Variants in CTNNA2 observed in about 807,000 individuals in gnomAD.
The protein encoded by CTNNA2 is catenin alpha 2.
A neutral mutation model predicts 101.0 loss-of-function variants in CTNNA2; 42 were observed. The observed-to-expected ratio is 0.42, with a 90% confidence interval of 0.32 to 0.54. The LOEUF is 0.54. CTNNA2 is among the 20% of genes least tolerant of loss of function. The pLI is 0.14. For synonymous variants in CTNNA2, 450 were observed against 456.4 expected (o/e 0.99, Z 0.18); for missense variants, 871 against 1,223.1 (o/e 0.71, Z 4.29).
At chr2:79,890,525 CATCT>C (rs1006523880) in intron 6 of CTNNA2, among the ~76,000 whole-genome samples, 1 of 151,952 alleles carries the variant, frequency 6.6e-6, no homozygotes, top group African/African-American at 2.4e-5. Flanking sequence ...TTTCTCCATC[CATCT>C]GTTTGAAAAT....
chr2:79,390,229 C>T (rs1188725385), intron 4 of CTNNA2, among the ~76,000 whole-genome samples: 1 of 152,142 alleles, frequency 6.6e-6, no homozygotes, highest in African/African-American at 2.4e-5. Context: ...TTATTTAAAA[C>T]TTGATTGCTT....
chr2:79,735,524 T>C (rs1471012641), intron 2 of CTNNA2, among the ~76,000 whole-genome samples: 2 of 152,186 alleles, frequency 1.3e-5, no homozygotes, highest in Non-Finnish European at 2.9e-5. Flanking sequence ...CACCCAATCA[T>C]AGATATTTAT....
intron 7 of CTNNA2, among the ~76,000 whole-genome samples, chr2:80,336,789 G>C (rs548901075): frequency 1.3e-5 from 2 of 152,178 alleles, no homozygotes; most frequent in Admixed American, 1.3e-4. Context: ...AGCAGGTTCC[G>C]TAAGGTGCTC....
chr2:80,588,887 G>A (rs1169813987), intron 14 of CTNNA2, among the ~76,000 whole-genome samples: 10 of 152,124 alleles, frequency 6.6e-5, no homozygotes, highest in African/African-American at 7.2e-5. Context: ...CCTTTCCAGC[G>A]ACAGAAGGCC....
At chr2:80,536,543 T>C (rs1429845417) in intron 9 of CTNNA2, among the ~76,000 whole-genome samples, 1 of 152,186 alleles carries the variant, frequency 6.6e-6, no homozygotes. Flanking sequence ...TTGAATGCAG[T>C]GAATATTTGC....
chr2:80,077,834 T>C (rs1177285398), intron 7 of CTNNA2, among the ~76,000 whole-genome samples: 1 of 152,200 alleles, frequency 6.6e-6, no homozygotes, highest in Non-Finnish European at 1.5e-5. Flanking sequence ...AGGGAGCTTC[T>C]TGGAAAGATG....
At chr2:80,483,096 T>C (rs1686274935) in intron 9 of CTNNA2, among the ~76,000 whole-genome samples, 1 of 152,164 alleles carries the variant, frequency 6.6e-6, no homozygotes, top group Non-Finnish European at 1.5e-5. Flanking sequence ...CAAACTGATA[T>C]ATGGCTGTAC....
At chr2:79,609,392 A>G (rs779015626) in intron 1 of CTNNA2, among the ~76,000 whole-genome samples, 4 of 152,068 alleles carry the variant, frequency 2.6e-5, no homozygotes, top group Non-Finnish European at 5.9e-5. Context: ...CAAATTGATT[A>G]TATGCAATCT....
At chr2:80,184,837 AT>A (rs1260631844) in intron 7 of CTNNA2, among the ~76,000 whole-genome samples, 1 of 152,212 alleles carries the variant, frequency 6.6e-6, no homozygotes, top group African/African-American at 2.4e-5. Flanking sequence ...CGCTAATGCA[AT>A]TTTTAAAATT....
chr2:80,295,291 C>A (rs930106021), intron 7 of CTNNA2, among the ~76,000 whole-genome samples: 1 of 151,356 alleles, frequency 6.6e-6, no homozygotes, highest in Non-Finnish European at 1.5e-5. Context: ...GTCTCATGTG[C>A]GGGTGAGTGT....
At chr2:80,004,810 C>G (rs1693217656) in intron 7 of CTNNA2, among the ~76,000 whole-genome samples, 1 of 151,952 alleles carries the variant, frequency 6.6e-6, no homozygotes, top group Non-Finnish European at 1.5e-5. Flanking sequence ...TCAAGCAATT[C>G]TCCTGCTTCA....
intron 18 of CTNNA2, among the ~76,000 whole-genome samples, chr2:80,646,200 G>A (rs980810308): frequency 6.6e-6 from 1 of 152,188 alleles, no homozygotes; most frequent in African/African-American, 2.4e-5. Context: ...CACTTTCTTA[G>A]TCACCTAGCC....
intron 1 of CTNNA2, among the ~76,000 whole-genome samples, chr2:79,649,820 C>T (rs114474055): frequency 8.6e-4 from 131 of 152,162 alleles, no homozygotes; most frequent in African/African-American, 3.0e-3. Context: ...GTGTCTTTGC[C>T]TCTACTTTTT....
rs1387098722 is a variant in CTNNA2 at position 79,860,815 on chromosome 2, C to T, written c.465+2636C>T. ...TGCCCCTACCCCCTAAAAGACAATA[C>T]GTCAATAATTCATTGCAAACAAACA... On this transcript the variant is annotated intron_variant, in intron 4 of 18. Coordinates refer to ENST00000402739, the MANE Select transcript of CTNNA2 (RefSeq NM_001282597.3). 4.6e-5 allele frequency among the ~76,000 whole-genome samples: 7 copies of T among 152,010 alleles called. 1 individual carries two copies. The highest frequency in any genetic ancestry group is 9.7e-5 in the African/African-American group (4 of 41,374).
At chr2:80,386,202 T>A (rs1047250309) in intron 7 of CTNNA2, among the ~76,000 whole-genome samples, 4 of 152,146 alleles carry the variant, frequency 2.6e-5, no homozygotes, top group African/African-American at 9.7e-5. Context: ...AGTGTTTCCC[T>A]TTTCACCTTT....
At chr2:79,258,344 T>C (rs1355733344) in intron 2 of CTNNA2, among the ~76,000 whole-genome samples, 1 of 152,174 alleles carries the variant, frequency 6.6e-6, no homozygotes, top group East Asian at 1.9e-4. Context: ...CTTGGGCAGT[T>C]CCCCTCAAGT....
chr2:80,233,303 G>A (rs1360882699), intron 7 of CTNNA2, among the ~76,000 whole-genome samples: 1 of 152,142 alleles, frequency 6.6e-6, no homozygotes, highest in East Asian at 1.9e-4. Context: ...GCCCATGTGA[G>A]AAGCAATCCC....
chr2:79,877,585 C>A (rs1683122477), intron 6 of CTNNA2, among the ~76,000 whole-genome samples: 1 of 152,012 alleles, frequency 6.6e-6, no homozygotes, highest in South Asian at 2.1e-4. Flanking sequence ...ATTTTGAATT[C>A]ATGGACATCT....
chr2:79,733,514 G>A (rs892333267), intron 2 of CTNNA2, among the ~76,000 whole-genome samples: 3 of 152,014 alleles, frequency 2.0e-5, no homozygotes, highest in African/African-American at 7.2e-5. Context: ...AAGTGTGTGT[G>A]AAAACTAGAA....
Sources: gnomAD v4.1 joint callset for allele counts (sites outside exome capture counted in the v4.1 genomes callset) on GRCh38, gnomAD v4.1.1 for gene constraint, MANE v1.5 for transcripts, NCBI Gene and HGNC (gene_info 2026-07-23, HGNC 2026-07-21) for gene names.